EDEM1: variants seen among roughly 807,000 people sequenced by gnomAD.
EDEM1 encodes ER degradation enhancing alpha-mannosidase like protein 1, also known as ER degradation-enhancing alpha-mannosidase-like protein 1.
A neutral mutation model predicts 74.4 loss-of-function variants in EDEM1; 67 were observed. The observed-to-expected ratio is 0.90, with a 90% CI of 0.74 to 1.10. EDEM1 has a LOEUF of 1.10. Among genes scored for constraint, EDEM1 ranks in the 50% least tolerant of loss-of-function variants. EDEM1 has a pLI of 0.00. For synonymous variants in EDEM1, 382 were observed against 335.9 expected (o/e 1.14, Z -1.50); for missense variants, 926 against 851.6 (o/e 1.09, Z -1.09).
chr3:5,211,396 C>A (rs2055166014), intron 10 of EDEM1, 180 bp downstream of exon 10: 1 of 593,248 alleles, frequency 1.7e-6, no homozygotes, highest in Admixed American at 3.0e-5. Flanking sequence ...GGTTTCCAAC[C>A]TTGTTGAAAA....
chr3:5,202,268 T>G (rs2055043346), intron 4 of EDEM1, among the ~76,000 whole-genome samples: 1 of 152,254 alleles, frequency 6.6e-6, no homozygotes, highest in African/African-American at 2.4e-5. Flanking sequence ...CATCTCTGAC[T>G]TGGGTCTGTT....
At chr3:5,210,300 C>G in intron 9 of EDEM1, 52 bp downstream of exon 9, 2 of 1,523,996 alleles carry the variant, frequency 1.3e-6, no homozygotes, top group Non-Finnish European at 1.8e-6. Flanking sequence ...TAATTTATTT[C>G]AAATTGTTTT....
At chr3:5,202,674 T>C (rs922176268) in intron 4 of EDEM1, among the ~76,000 whole-genome samples, 12 of 152,236 alleles carry the variant, frequency 7.9e-5, no homozygotes, top group African/African-American at 2.9e-4. Context: ...GCCTGGTGCC[T>C]GTGTTACCAT....
intron 7 of EDEM1, 85 bp downstream of exon 7, chr3:5,207,358 C>T: frequency 6.4e-7 from 1 of 1,555,658 alleles, no homozygotes; most frequent in Non-Finnish European, 8.7e-7. Flanking sequence ...ATACCCTGAG[C>T]ATTCTCTGTC....
rs1466923549 is a variant in EDEM1 at position 5,216,235 on chromosome 3, C to G, written c.*317C>G. 1.0e-5 allele frequency: 3 copies of G among 292,230 alleles called. No individual in the cohort carries two copies. The highest frequency in any genetic ancestry group is 4.4e-5 in the African/African-American group (2 of 45,806). 18.1% of individuals were successfully genotyped at this position (292,230 alleles called of 1,614,324 possible). A position where few individuals can be genotyped will look rare whatever the true frequency, so the allele number is the denominator to read the frequency against. On this transcript the variant is annotated 3_prime_UTR_variant, in exon 12 of 12. Coordinates refer to ENST00000256497, the MANE Select transcript of EDEM1 (RefSeq NM_014674.3). The stretch of plus-strand genomic sequence containing the variant: ...ATGTTCACAGCTTTATACTTCAGAA[C>G]CTAAGTCTCTTCACTTTGCTGGCAC...
chr3:5,212,653 T>G (rs1219178703), intron 10 of EDEM1, among the ~76,000 whole-genome samples: 4 of 152,232 alleles, frequency 2.6e-5, no homozygotes, highest in Non-Finnish European at 5.9e-5. Flanking sequence ...TCAAAGAGTT[T>G]CTAGGTATTC....
intron 11 of EDEM1, among the ~76,000 whole-genome samples, chr3:5,215,252 G>C (rs978140566): frequency 1.4e-5 from 2 of 146,210 alleles, no homozygotes. Context: ...CAGTTGGTTA[G>C]TTCTCAAGAT....
chr3:5,190,964 A>G (rs1450699691), intron 1 of EDEM1, among the ~76,000 whole-genome samples: 1 of 152,128 alleles, frequency 6.6e-6, no homozygotes, highest in Non-Finnish European at 1.5e-5. Context: ...CAGGCATGCA[A>G]TTTGTAATAA....
intron 6 of EDEM1, 67 bp downstream of exon 6, chr3:5,205,308 A>G (rs1428661316): frequency 1.3e-6 from 2 of 1,489,292 alleles, no homozygotes; most frequent in Non-Finnish European, 9.1e-7. Flanking sequence ...AAGCGTTTGT[A>G]TTTTTTTTAA....
chr3:5,216,286 C>T lies in EDEM1; in HGVS notation c.*368C>T, dbSNP rs7646106. Reference sequence around the variant, plus strand: ...CTGCTATACTGGAGTATTGCTATGTCTTTAAAAAATTTTTTTTATTATATT... The same window carrying T: ...CTGCTATACTGGAGTATTGCTATGTTTTTAAAAAATTTTTTTTATTATATT... On this transcript the variant is annotated 3_prime_UTR_variant, in exon 12 of 12. Transcript: ENST00000256497. 23,573 of 179,016 alleles carry T rather than the reference C, an allele frequency of 0.13. 1,784 individuals carry two copies. Among genetic ancestry groups the T allele is most frequent in the Non-Finnish European group, 0.17 (14,524 of 85,860 alleles). 11.1% of individuals were successfully genotyped at this position (179,016 alleles called of 1,614,324 possible).
intron 6 of EDEM1, 128 bp downstream of exon 6, chr3:5,205,369 T>C (rs2055084618): frequency 7.5e-6 from 7 of 930,826 alleles, no homozygotes; most frequent in Non-Finnish European, 1.1e-5. Flanking sequence ...CCACCTCTCC[T>C]AGTTTGTCAG....
At position 5,213,322 on chromosome 3, in the gene EDEM1, T is replaced by C; in HGVS notation, c.1684T>C (p.Phe562Leu). The change falls in exon 11 of 12, where the codon TTT becomes CTT. Residue 562 changes from phenylalanine (F) to leucine (L), a missense_variant. By Grantham distance (22) the Phe-to-Leu change is conservative. Transcript: ENST00000256497. The stretch of plus-strand genomic sequence containing the variant: ...TCTTTTTCTCCGTTCCCTCTAGCTG[T>C]TTGATGAAGACAATCCAGTACACAA... The part of the protein sequence containing the change: ...SETCKYLYLL[F>L]DEDNPVHKSG... The C allele has an allele frequency of 6.2e-7, 1 of 1,612,924 alleles. No homozygotes were observed. The highest frequency in any genetic ancestry group is 8.5e-7 in the Non-Finnish European group (1 of 1,179,384).
chr3:5,212,996 G>C (rs1247151653), intron 10 of EDEM1, among the ~76,000 whole-genome samples: 1 of 152,216 alleles, frequency 6.6e-6, no homozygotes, highest in Non-Finnish European at 1.5e-5. Flanking sequence ...CTCTTAGGTA[G>C]CACATGGAAA....
In EDEM1 at chr3:5,193,231, C is replaced by G. The variant is rs945639677; in HGVS notation, c.510-1978C>G. On this transcript the variant is annotated intron_variant, in intron 1 of 11. Coordinates refer to ENST00000256497, the MANE Select transcript of EDEM1 (RefSeq NM_014674.3). ...TCTGATGAGGTGGGCTGTTGAAGCCCACTCTGTTTCTAAGCGGCAGAGCAA... is the reference window on the plus strand; with the variant it reads ...TCTGATGAGGTGGGCTGTTGAAGCCGACTCTGTTTCTAAGCGGCAGAGCAA... 5.9e-5 allele frequency among the ~76,000 whole-genome samples: 9 copies of G among 152,254 alleles called. No homozygotes were observed. In the East Asian group the frequency reaches 1.2e-3, roughly 20 times the overall value.
intron 3 of EDEM1, among the ~76,000 whole-genome samples, chr3:5,201,253 A>C (rs1307978440): frequency 1.3e-5 from 2 of 151,756 alleles, no homozygotes; most frequent in Non-Finnish European, 2.9e-5. Flanking sequence ...TAGGTTCAAG[A>C]GATCGTCCTG....
At position 5,213,364 on chromosome 3, in the gene EDEM1, A is replaced by G. The variant is rs755784372; in HGVS notation, c.1726A>G (p.Met576Val). The change falls in exon 11 of 12, where the codon ATG (methionine) becomes GTG (valine). Residue 576 changes from methionine (M) to valine (V), a missense_variant. Met to Val is a conservative substitution (Grantham distance 21). Transcript: ENST00000256497. ...AGTACACAAGTCTGGAACCAGATAC[A>G]TGTTCACAACAGAGGGACACATTGT... The part of the protein sequence containing the change: ...NPVHKSGTRY[M>V]FTTEGHIVSV... The G allele has an allele frequency of 1.9e-6, 3 of 1,613,944 alleles. No homozygotes were observed. The East Asian group carries it at 6.7e-5, about 36-fold the overall frequency.
chr3:5,188,393 C>T lies in EDEM1; in HGVS notation c.509+79C>T, dbSNP rs370109995. On this transcript the variant is annotated intron_variant, in intron 1 of 11. Transcript: ENST00000256497. ...CCGCGCCGGGGTGCAGCCCTCTGTC[C>T]TCCGGGGCCCCCGAGGGCGCCAGGG... is the stretch of plus-strand genomic sequence containing the variant. 5.5e-5 allele frequency: 72 copies of T among 1,312,044 alleles called. No homozygotes were observed. In the South Asian group the frequency reaches 9.6e-4, roughly 17 times the overall value. The allele number at this position is 1,312,044 out of a possible 1,614,324, so 81.3% of individuals were successfully genotyped here. A position where few individuals can be genotyped will look rare whatever the true frequency, so the allele number is the denominator to read the frequency against.
intron 1 of EDEM1, among the ~76,000 whole-genome samples, chr3:5,188,674 A>C (rs2054860680): frequency 6.6e-6 from 1 of 152,322 alleles, no homozygotes; most frequent in South Asian, 2.1e-4. Context: ...CCTCCGGATG[A>C]GCATAAACTC....
chr3:5,212,397 C>G (rs1447341520), intron 10 of EDEM1, among the ~76,000 whole-genome samples: 3 of 152,172 alleles, frequency 2.0e-5, no homozygotes, highest in Non-Finnish European at 2.9e-5. Flanking sequence ...CTAAATCAGG[C>G]TGGTCAGAGC....
Sources: allele counts gnomAD v4.1 joint callset (sites outside exome capture counted in the v4.1 genomes callset), GRCh38; gene constraint gnomAD v4.1.1; transcripts MANE v1.5; gene names NCBI Gene and HGNC (gene_info 2026-07-23, HGNC 2026-07-21).